The following PLAUR variants were observed in gnomAD, a reference collection of about 807,000 sequenced individuals.
PLAUR encodes plasminogen activator, urokinase receptor, also known as urokinase plasminogen activator surface receptor.
A neutral mutation model predicts 33.4 loss-of-function variants in PLAUR; 22 were observed. The observed-to-expected ratio is 0.66, with a 90% confidence interval of 0.47 to 0.94. The LOEUF (loss-of-function observed/expected upper bound fraction) is 0.94, where lower values mean the gene tolerates loss of function less well. Among genes scored for constraint, PLAUR ranks in the 40% least tolerant of loss-of-function variants. The pLI is 0.00. For missense variants in PLAUR, 408 were observed against 434.7 expected (o/e 0.94, Z 0.55); for synonymous variants, 148 against 167.3 (o/e 0.88, Z 0.89).
chr19:43,658,051 AAAAG>A (rs907904511), intron 3 of PLAUR, among the ~76,000 whole-genome samples: 2 of 152,128 alleles, frequency 1.3e-5, no homozygotes, highest in Admixed American at 6.6e-5. Context: ...TTAAAAAAAA[AAAAG>A]AAGAAGAAAA....
At chr19:43,667,716 G>A (rs1967319133) in intron 1 of PLAUR, 25 bp from the exon 2 acceptor site, 1 of 1,611,968 alleles carries the variant, frequency 6.2e-7, no homozygotes, top group Admixed American at 1.7e-5. Context: ...GAGAGGAGAG[G>A]AGAGGTTAAC....
chr19:43,655,387 A>G, intron 5 of PLAUR, 52 bp downstream of exon 5: 1 of 1,578,602 alleles, frequency 6.3e-7, no homozygotes, highest in Non-Finnish European at 8.6e-7. Context: ...TGTCTGCCTG[A>G]GTGCATGCCC....
At chr19:43,655,206 G>A (rs1299906062) in intron 5 of PLAUR, among the ~76,000 whole-genome samples, 2 of 150,668 alleles carry the variant, frequency 1.3e-5, no homozygotes, top group Non-Finnish European at 2.9e-5. Context: ...GAACTCGTGA[G>A]GCGAAGTTTA....
intron 4 of PLAUR, 98 bp downstream of exon 4, chr19:43,656,381 C>A: frequency 8.8e-7 from 1 of 1,133,240 alleles, no homozygotes; most frequent in African/African-American, 1.6e-5. Context: ...GAACTTAGTC[C>A]CTTGCTGACA....
downstream of PLAUR, among the ~76,000 whole-genome samples, chr19:43,647,174 A>G (rs1973838936): frequency 6.6e-6 from 1 of 152,226 alleles, no homozygotes; most frequent in African/African-American, 2.4e-5. Flanking sequence ...TGAGAAGAAC[A>G]TGAATTTTTC....
intron 3 of PLAUR, among the ~76,000 whole-genome samples, chr19:43,661,888 G>T (rs1967013580): frequency 6.6e-6 from 1 of 151,710 alleles, no homozygotes; most frequent in Admixed American, 6.6e-5. Flanking sequence ...GTTCGGCTTT[G>T]GTTGAGACAG....
intron 1 of PLAUR, chr19:43,668,333 C>T (rs1967355086): frequency 1.0e-6 from 1 of 985,718 alleles, no homozygotes; most frequent in South Asian, 4.6e-5. Context: ...AGGTTTTGGC[C>T]CCGCTCCAGA....
intron 6 of PLAUR, 112 bp from the exon 7 acceptor site, chr19:43,649,255 G>A: frequency 8.2e-7 from 1 of 1,224,656 alleles, no homozygotes; most frequent in Admixed American, 2.0e-5. Flanking sequence ...ACCACCTAGA[G>A]AAAGCAGCAG....
At position 43,667,592 on chromosome 19, in the gene PLAUR, C is replaced by T. The variant is rs201262952; in HGVS notation, c.155G>A (p.Arg52His). The T allele has an allele frequency of 1.9e-6, 3 of 1,612,486 alleles. No homozygotes were observed. The highest frequency in any genetic ancestry group is 2.5e-6 in the Non-Finnish European group (3 of 1,178,736). ...GGGGGGAAGCTCACCTTCCCACAAG[C>T]GCACGATCGTGGTCCTGCAGAGGTC... Reference protein sequence around the residue: ...GQDLCRTTIVRLWEEGEELEL... With the variant: ...GQDLCRTTIVHLWEEGEELEL... The change falls in exon 2 of 7, where the codon CGC becomes CAC. Residue 52 changes from arginine (R) to histidine (H), a missense_variant. Physicochemically the swap from Arg to His is conservative, Grantham distance 29. Transcript: ENST00000340093.
rs532247834 is a variant in PLAUR, at chr19:43,652,169, T to C, written c.754+56A>G. Reference sequence around the variant, plus strand: ...CCAGCTTAACTGGAAGTCAATCTCTTGCGGAACTCTCCACCCCCAATAAGT... The same window carrying C: ...CCAGCTTAACTGGAAGTCAATCTCTCGCGGAACTCTCCACCCCCAATAAGT... On this transcript the variant is annotated intron_variant, in intron 6 of 6. Coordinates refer to ENST00000340093, the MANE Select transcript of PLAUR (RefSeq NM_002659.4). The C allele has an allele frequency of 2.1e-5, 33 of 1,594,758 alleles. No homozygotes were observed. The South Asian group carries it at 3.3e-4, about 16-fold the overall frequency.
In PLAUR at chr19:43,667,568, G is replaced by A. The variant is rs754524056; in HGVS notation, c.166+13C>T. 3.8e-6 allele frequency: 6 copies of A among 1,586,882 alleles called. No homozygotes were observed. The highest frequency in any genetic ancestry group is 3.3e-5 in the Admixed American group (2 of 59,956). ...CTGCGCTGGAGGGGTGTGTGGGTTG[G>A]GGGGAAGCTCACCTTCCCACAAGCG... On this transcript the variant is annotated intron_variant, in intron 2 of 6. Coordinates refer to ENST00000340093, the MANE Select transcript of PLAUR (RefSeq NM_002659.4).
chr19:43,656,380 C>G, intron 4 of PLAUR, 99 bp downstream of exon 4: 1 of 1,118,238 alleles, frequency 8.9e-7, no homozygotes, highest in South Asian at 1.7e-5. Context: ...AGAACTTAGT[C>G]CCTTGCTGAC....
chr19:43,651,812 G>C, intron 6 of PLAUR: 1 of 1,002,814 alleles, frequency 1.0e-6, no homozygotes, highest in South Asian at 4.2e-5. Context: ...ACCTTTCCAG[G>C]ACACCACAGG....
At chr19:43,664,085 CTACTTAGACCCAAG>C (rs2146271857) in intron 3 of PLAUR, among the ~76,000 whole-genome samples, 1 of 152,236 alleles carries the variant, frequency 6.6e-6, no homozygotes, top group Non-Finnish European at 1.5e-5. Flanking sequence ...ATTGAATGCA[CTACTTAGACCCAAG>C]TATTGGTGCT....
chr19:43,656,941 C>CTT (rs113667043), intron 3 of PLAUR: 86 of 148,528 alleles, frequency 5.8e-4, no homozygotes, highest in Middle Eastern at 3.3e-3. Flanking sequence ...CATTTCTTTC[C>CTT]TTTTTTTTTT....
intron 2 of PLAUR, among the ~76,000 whole-genome samples, chr19:43,665,939 C>T (rs949516911): frequency 3.2e-4 from 49 of 151,844 alleles, no homozygotes; most frequent in African/African-American, 1.1e-3. Context: ...GCTGGAATTA[C>T]AGGTGTGAGC....
chr19:43,648,948 A>G lies in PLAUR; in HGVS notation c.950T>C (p.Leu317Pro), dbSNP rs4760. The change falls in exon 7 of 7, where the codon CTC becomes CCC. Residue 317 changes from leucine (L) to proline (P), a missense_variant. Physicochemically the swap from Leu to Pro is moderately conservative, Grantham distance 98 (BLOSUM62 -3). Transcript: ENST00000340093. ...APQPGPAHLS[L>P]TITLLMTARL... ...GGCAGTCATTAGCAGGGTGATGGTGAGGCTGAGATGGGCAGGGCCAGGCTG... is the reference window on the plus strand; with the variant it reads ...GGCAGTCATTAGCAGGGTGATGGTGGGGCTGAGATGGGCAGGGCCAGGCTG... 0.14 allele frequency: 226,462 copies of G among 1,613,812 alleles called. 17,606 individuals carry two copies. Among genetic ancestry groups the G allele is most frequent in the Non-Finnish European group, 0.16 (185,750 of 1,179,746 alleles).
intron 3 of PLAUR, chr19:43,661,317 C>G (rs1568560722): frequency 6.6e-6 from 1 of 152,218 alleles, no homozygotes; most frequent in Non-Finnish European, 1.5e-5. Flanking sequence ...GGGAAAAAGC[C>G]AGGTTGTCTG....
In PLAUR at chr19:43,652,384, C is replaced by A. The variant is rs751565701; in HGVS notation, c.608-13G>T. The stretch of plus-strand genomic sequence containing the variant: ...TCAAGCTCCAGGACTTAGGAGAAGA[C>A]CAGAGACACAGAGACCAAGAAAATT... On this transcript the variant is annotated splice_polypyrimidine_tract_variant and intron_variant, in intron 5 of 6. Coordinates refer to ENST00000340093, the MANE Select transcript of PLAUR (RefSeq NM_002659.4). 17 of 1,612,796 alleles carry A rather than the reference C, an allele frequency of 1.1e-5. No homozygotes were observed. In the South Asian group the frequency reaches 1.9e-4, roughly 18 times the overall value.
Sources: allele counts gnomAD v4.1 joint callset (sites outside exome capture counted in the v4.1 genomes callset), GRCh38; gene constraint gnomAD v4.1.1; transcripts MANE v1.5; gene names NCBI Gene and HGNC (gene_info 2026-07-23, HGNC 2026-07-21).